ZNF212: variants seen among roughly 807,000 people sequenced by gnomAD.
The protein encoded by ZNF212 is Zinc finger protein C2H2-150.
A neutral mutation model predicts 47.3 loss-of-function variants in ZNF212; 32 were observed. The observed-to-expected ratio is 0.68, with a 90% confidence interval of 0.51 to 0.91. The LOEUF is 0.91. Ranked by LOEUF, ZNF212 falls within the 40% of genes least tolerant of loss-of-function variation. ZNF212 has a pLI of 0.00. For missense variants in ZNF212, 555 were observed against 622.8 expected (o/e 0.89, Z 1.16); for synonymous variants, 242 against 253.8 (o/e 0.95, Z 0.44).
At chr7:149,243,850 A>G (rs1038685220) in intron 1 of ZNF212, among the ~76,000 whole-genome samples, 1 of 152,236 alleles carries the variant, frequency 6.6e-6, no homozygotes, top group African/African-American at 2.4e-5. Context: ...TGCACTGTTT[A>G]ATACAGTGGC....
chr7:149,248,660 C>T (rs1475645749), intron 1 of ZNF212, among the ~76,000 whole-genome samples: 1 of 152,202 alleles, frequency 6.6e-6, no homozygotes, highest in East Asian at 1.9e-4. Flanking sequence ...TGCTGGGCCA[C>T]AGAAAGAGGA....
At chr7:149,243,761 T>G (rs1485630332) in intron 1 of ZNF212, among the ~76,000 whole-genome samples, 1 of 152,188 alleles carries the variant, frequency 6.6e-6, no homozygotes, top group Non-Finnish European at 1.5e-5. Context: ...ACAACCTTAG[T>G]ATTTTATCAA....
intron 1 of ZNF212, among the ~76,000 whole-genome samples, chr7:149,243,967 A>T (rs893132416): frequency 6.6e-6 from 1 of 152,202 alleles, no homozygotes; most frequent in Non-Finnish European, 1.5e-5. Context: ...TCACTCTGTC[A>T]CCCAGGCTGG....
chr7:149,253,959 T>G lies in ZNF212; in HGVS notation c.1032T>G (p.Cys344Trp). 1.2e-6 allele frequency: 2 copies of G among 1,614,010 alleles called. No homozygotes were observed. The highest frequency in any genetic ancestry group is 1.7e-6 in the Non-Finnish European group (2 of 1,179,992). The change falls in exon 5 of 5, where the codon TGT becomes TGG. Residue 344 changes from cysteine (C) to tryptophan (W), a missense_variant. Cys to Trp is a radical substitution (Grantham distance 215). Transcript: ENST00000335870. ...GCAGCCACTCTGGGTGGGGGTCTTG[T>G]ACACCTGAGGAGCCAGAGGAGAGCC... is the stretch of plus-strand genomic sequence containing the variant. ...HLRSHSGWGS[C>W]TPEEPEESLR...
In ZNF212 at chr7:149,250,165, A is replaced by C; in HGVS notation, c.31A>C (p.Arg11=). The change falls in exon 2 of 5, where the codon AGA becomes CGA. Residue 11 remains arginine (R), a synonymous_variant. Coordinates refer to ENST00000335870, the MANE Select transcript of ZNF212 (RefSeq NM_012256.4). ...TGTGTCTTTAATCCATCAGCACAGG[A>C]GAAAACGACGCTCCACACCTTTAAC... MAESAPARHR[R]KRRSTPLTSS... 6.6e-7 allele frequency: 1 copy of C among 1,526,496 alleles called. No individual in the cohort carries two copies. Among genetic ancestry groups the C allele is most frequent in the Non-Finnish European group, 8.8e-7 (1 of 1,139,966 alleles). 94.6% of individuals were successfully genotyped at this position (1,526,496 alleles called of 1,614,324 possible). A position where few individuals can be genotyped will look rare whatever the true frequency, so the allele number is the denominator to read the frequency against.
intron 1 of ZNF212, among the ~76,000 whole-genome samples, chr7:149,243,416 A>G (rs537316451): frequency 8.0e-5 from 10 of 125,756 alleles, no homozygotes; most frequent in African/African-American, 3.0e-4. Context: ...CCTGGGTGAC[A>G]GAGTGAGACT....
intron 3 of ZNF212, 74 bp from the exon 4 acceptor site, chr7:149,252,632 G>A: frequency 1.5e-6 from 2 of 1,365,524 alleles, no homozygotes; most frequent in African/African-American, 2.9e-5. Context: ...GGTCATCTTG[G>A]TCACTGGCAG....
Position 149,254,257 on chromosome 7 carries a change from C to T in ZNF212, c.1330C>T (p.Arg444Trp), listed in dbSNP as rs778310308. 9 of 1,614,206 alleles carry T rather than the reference C, an allele frequency of 5.6e-6. No homozygotes were observed. The highest frequency in any genetic ancestry group is 2.2e-5 in the East Asian group (1 of 44,878). ...CTTCAGTCACCCATCTGACTTGGTG[C>T]GGCACCAGCGCATCCACACGGGTGA... ...KSFSHPSDLV[R>W]HQRIHTGERP... Residue 444 changes from arginine to tryptophan, a missense_variant, in exon 5 of 5, where the codon CGG (arginine) becomes TGG (tryptophan). Physicochemically the swap from Arg to Trp is moderately radical, Grantham distance 101. Transcript: ENST00000335870. The surrounding 1 kb of genome is among the most constrained non-coding windows in gnomAD (Gnocchi z 4.5).
At chr7:149,253,434 C>T (rs1796786509) in intron 4 of ZNF212, 125 bp from the exon 5 acceptor site, 3 of 1,220,792 alleles carry the variant, frequency 2.5e-6, no homozygotes, top group Non-Finnish European at 3.4e-6. Context: ...TGTCATCCTC[C>T]TCCACGTTAT....
In ZNF212 at chr7:149,253,691, A is replaced by G; in HGVS notation, c.764A>G (p.Gln255Arg). 6.2e-7 allele frequency: 1 copy of G among 1,614,222 alleles called. No individual in the cohort carries two copies. Among genetic ancestry groups the G allele is most frequent in the Non-Finnish European group, 8.5e-7 (1 of 1,180,042 alleles). The change falls in exon 5 of 5, where the codon CAG (glutamine) becomes CGG (arginine). Residue 255 changes from glutamine (Q) to arginine (R), a missense_variant. Physicochemically the swap from Gln to Arg is conservative, Grantham distance 43. Transcript: ENST00000335870. ...SPEQTELWGG[Q>R]GSSVLLETGP... ...GAGCAGACCGAACTCTGGGGTGGTCAGGGCAGTTCTGTCCTCTTGGAAACA... is the reference window on the plus strand; with the variant it reads ...GAGCAGACCGAACTCTGGGGTGGTCGGGGCAGTTCTGTCCTCTTGGAAACA...
rs764213502 is a variant in ZNF212 at position 149,239,807 on chromosome 7, A to G, written c.24+5A>G. On this transcript the variant is annotated splice_donor_5th_base_variant and intron_variant, in intron 1 of 4. Transcript: ENST00000335870. ...GCGGAGTCGGCGCCTGCTCGGGTAAAGAGGCACCGGCGCGCTGGCTCGAGG... is the reference window on the plus strand; with the variant it reads ...GCGGAGTCGGCGCCTGCTCGGGTAAGGAGGCACCGGCGCGCTGGCTCGAGG... The G allele has an allele frequency of 2.4e-5, 31 of 1,273,834 alleles. No homozygotes were observed. Among genetic ancestry groups the G allele is most frequent in the Non-Finnish European group, 3.1e-5 (31 of 1,002,192 alleles). 78.9% of individuals were successfully genotyped at this position (1,273,834 alleles called of 1,614,324 possible). A position where few individuals can be genotyped will look rare whatever the true frequency, so the allele number is the denominator to read the frequency against.
chr7:149,253,457 A>T, intron 4 of ZNF212, 102 bp from the exon 5 acceptor site: 2 of 1,425,500 alleles, frequency 1.4e-6, no homozygotes, highest in Non-Finnish European at 1.9e-6. Flanking sequence ...TAATTCACTT[A>T]TTCCTGGGGT....
At position 149,254,445 on chromosome 7, in the gene ZNF212, G is replaced by A; in HGVS notation, c.*30G>A. ...GCAGCCCCTCGCCCGTCTGGGGGAT[G>A]GAGGGGGGTGGCATTGGTTCCCCCG... On this transcript the variant is annotated 3_prime_UTR_variant, in exon 5 of 5. Transcript: ENST00000335870. The surrounding 1 kb of genome is among the most constrained non-coding windows in gnomAD (Gnocchi z 4.5). The A allele has an allele frequency of 6.4e-7, 1 of 1,554,174 alleles. No individual in the cohort carries two copies. Among genetic ancestry groups the A allele is most frequent in the African/African-American group, 1.4e-5 (1 of 73,892 alleles).
rs139251250 is a variant in ZNF212, at chr7:149,250,962, T to G, written c.541+155T>G. Reference sequence around the variant, plus strand: ...AATGCCAGTCTCTAGGTCCTCCCATTTACAGACCTGCACGGGTGGAGAAAT... The same window carrying G: ...AATGCCAGTCTCTAGGTCCTCCCATGTACAGACCTGCACGGGTGGAGAAAT... On this transcript the variant is annotated intron_variant, in intron 3 of 4. Coordinates refer to ENST00000335870, the MANE Select transcript of ZNF212 (RefSeq NM_012256.4). Among the ~76,000 whole-genome samples, 70 of 152,158 alleles carry G rather than the reference T, an allele frequency of 4.6e-4. 1 individual carries two copies. Among genetic ancestry groups the G allele is most frequent in the Non-Finnish European group, 7.9e-4 (54 of 68,004 alleles).
chr7:149,254,367 G>C lies in ZNF212; in HGVS notation c.1440G>C (p.Glu480Asp). ...LLQHQKIHQR[E>D]RGGLALEPGR... ...AGCACCAGAAGATCCACCAGCGGGAGCGGGGTGGGCTGGCCCTGGAGCCCG... is the reference window on the plus strand; with the variant it reads ...AGCACCAGAAGATCCACCAGCGGGACCGGGGTGGGCTGGCCCTGGAGCCCG... The change falls in exon 5 of 5, where the codon GAG becomes GAC. Residue 480 changes from glutamate to aspartate, a missense_variant. Glu to Asp is a conservative substitution (Grantham distance 45). Transcript: ENST00000335870. The surrounding 1 kb of genome is among the most constrained non-coding windows in gnomAD (Gnocchi z 4.5). The C allele has an allele frequency of 6.2e-7, 1 of 1,608,902 alleles. No homozygotes were observed. The highest frequency in any genetic ancestry group is 1.6e-4 in the Middle Eastern group (1 of 6,062).
At chr7:149,249,547 T>C (rs1407823892) in intron 1 of ZNF212, among the ~76,000 whole-genome samples, 2 of 152,144 alleles carry the variant, frequency 1.3e-5, no homozygotes, top group South Asian at 2.1e-4. Context: ...ATACACGCTA[T>C]AATTTCACTT....
chr7:149,242,146 G>C (rs375968912), intron 1 of ZNF212, among the ~76,000 whole-genome samples: 1 of 150,172 alleles, frequency 6.7e-6, no homozygotes, highest in Non-Finnish European at 1.5e-5. Flanking sequence ...CTCAGCCTCC[G>C]GAGTAGCTGG....
intron 1 of ZNF212, 29 bp downstream of exon 1, chr7:149,239,831 G>A: frequency 7.9e-7 from 1 of 1,267,702 alleles, no homozygotes; most frequent in Non-Finnish European, 1.0e-6. Flanking sequence ...GCTGGCTCGA[G>A]GGCGCGTTGG....
At position 149,251,941 on chromosome 7, in the gene ZNF212, T is replaced by TAAAAAAAAAAAA. The variant is rs36067111; in HGVS notation, c.542-754_542-743dup. On this transcript the variant is annotated intron_variant, in intron 3 of 4. Transcript: ENST00000335870. ...TCGACATAGTGAGATCTCTGTTGCT[T>TAAAAAAAAAAAA]AAAAAAAAAAAAAAAAAAAAAAGAT... Among the ~76,000 whole-genome samples, 10 of 109,534 alleles carry TAAAAAAAAAAAA rather than the reference T, an allele frequency of 9.1e-5. 1 individual carries two copies. The highest frequency in any genetic ancestry group is 3.5e-4 in the African/African-American group (10 of 28,584). 71.9% of individuals were successfully genotyped at this position (109,534 alleles called of 152,430 possible).
Sources: gnomAD v4.1 joint callset for allele counts (sites outside exome capture counted in the v4.1 genomes callset) on GRCh38, gnomAD v4.1.1 for gene constraint, Gnocchi (gnomAD v3.1) non-coding constraint, MANE v1.5 for transcripts, NCBI Gene and HGNC (gene_info 2026-07-23, HGNC 2026-07-21) for gene names.